Variants in SLC4A11 observed in about 807,000 individuals in gnomAD.
SLC4A11 encodes bicarbonate transporter related protein 1.
SLC4A11 carries 74 observed loss-of-function variants against 95.0 expected under a neutral mutation model. The ratio of observed to expected loss-of-function variants is 0.78; its 90% CI spans 0.65 to 0.95. The LOEUF is 0.95. Ranked by LOEUF, SLC4A11 falls within the 40% of genes least tolerant of loss-of-function variation. The pLI, the probability that SLC4A11 is intolerant of heterozygous loss-of-function variation, is 0.00. For missense variants in SLC4A11, 1,081 were observed against 1,192.4 expected (o/e 0.91, Z 1.38); for synonymous variants, 548 against 519.0 (o/e 1.06, Z -0.76).
Position 3,233,921 on chromosome 20 carries a change from A to C in SLC4A11, c.605T>G (p.Ile202Ser). The C allele has an allele frequency of 6.2e-7, 1 of 1,612,764 alleles. No homozygotes were observed. Among genetic ancestry groups the C allele is most frequent in the Non-Finnish European group, 8.5e-7 (1 of 1,179,986 alleles). The change falls in exon 6 of 20, where the codon ATC becomes AGC. Residue 202 changes from isoleucine (I) to serine (S), a missense_variant and splice_region_variant. Ile to Ser is a moderately radical substitution (Grantham distance 142, BLOSUM62 -2). Around this residue, in one of 3 missense-constraint regions of SLC4A11, gnomAD observed 310 missense variants for 313.5 expected, o/e 0.99. Transcript: ENST00000642402. ...GGGGCCAAGTGGCCTGGCAACTCAC[A>C]TGATGCAGAGCCACGACTGCTGGTA... Reference protein sequence around the residue: ...VRYQQSWLCIICTMKALQKRH... With the variant: ...VRYQQSWLCISCTMKALQKRH...
At position 3,229,040 on chromosome 20, in the gene SLC4A11, G is replaced by A. The variant is rs777820339; in HGVS notation, c.2019-29C>T. 4 of 1,605,092 alleles carry A rather than the reference G, an allele frequency of 2.5e-6. No homozygotes were observed. In the Admixed American group the frequency reaches 6.8e-5, roughly 27 times the overall value. ...CAGCAGACGGGCACTCGTGGACAGA[G>A]CCCCACAGCAGAGGCCCGGGCCCCG... On this transcript the variant is annotated intron_variant, in intron 16 of 19. Transcript: ENST00000642402.
upstream of SLC4A11, chr20:3,239,282 C>T: frequency 5.0e-6 from 6 of 1,188,590 alleles, no homozygotes; most frequent in Non-Finnish European, 4.2e-6. Context: ...GCTCAGACGC[C>T]GCGCCCGGGC....
intron 13 of SLC4A11, 68 bp downstream of exon 13, chr20:3,230,118 AG>A (rs905872149): frequency 6.5e-7 from 1 of 1,530,054 alleles, no homozygotes; most frequent in Non-Finnish European, 9.1e-7. Context: ...GCCCCCAGCC[AG>A]GGGCAGTGCA....
rs759453510 is a variant in SLC4A11 at position 3,230,537 on chromosome 20, G to A, written c.1393C>T (p.Leu465=). 8 of 1,613,848 alleles carry A rather than the reference G, an allele frequency of 5.0e-6. No individual in the cohort carries two copies. Among genetic ancestry groups the A allele is most frequent in the Non-Finnish European group, 6.8e-6 (8 of 1,180,038 alleles). ...CACCTCTTGAAGAGACTCATGACCA[G>A]GCTGAGGTTGAAAAAGGCATAAAGC... The part of the protein sequence containing the change: ...LALYAFFNLS[L]VMSLFKRSTE... Residue 465 remains leucine, a synonymous_variant, in exon 12 of 20, where the codon CTG becomes TTG. Coordinates refer to ENST00000642402, the MANE Select transcript of SLC4A11 (RefSeq NM_001174089.2).
At chr20:3,238,747 C>T (rs1306665772) in intron 1 of SLC4A11, 2 of 1,089,312 alleles carry the variant, frequency 1.8e-6, no homozygotes, top group African/African-American at 1.7e-5. Flanking sequence ...CCGCCAGGCT[C>T]CCAAAAGCTC....
rs760203945 is a variant in SLC4A11 at position 3,234,896 on chromosome 20, T to C, written c.89-2A>G. ...CATCTGTGTCACACTTGTAGTAGCC[T>C]AGAGACCCCCAAGAGCAAGAGGGCC... On this transcript the variant is annotated splice_acceptor_variant, in intron 2 of 19. Coordinates refer to ENST00000642402, the MANE Select transcript of SLC4A11 (RefSeq NM_001174089.2). LOFTEE classifies it high-confidence loss of function. This position sits in a 1 kb window ranked among gnomAD's most constrained non-coding sequence, Gnocchi z 5.8. 6.2e-7 allele frequency: 1 copy of C among 1,613,772 alleles called. No homozygotes were observed. Among genetic ancestry groups the C allele is most frequent in the Non-Finnish European group, 8.5e-7 (1 of 1,179,992 alleles).
intron 2 of SLC4A11, among the ~76,000 whole-genome samples, chr20:3,236,089 C>T (rs1247590693): frequency 6.6e-6 from 1 of 152,176 alleles, no homozygotes; most frequent in Non-Finnish European, 1.5e-5. Flanking sequence ...GATGGGTCAG[C>T]AGCACGCCTG....
At chr20:3,232,627 C>T (rs376705302) in intron 7 of SLC4A11, among the ~76,000 whole-genome samples, 12 of 152,254 alleles carry the variant, frequency 7.9e-5, no homozygotes, top group East Asian at 7.7e-4. Context: ...GCGGGAGAAT[C>T]GCTTGAACCT....
chr20:3,229,057 C>CGGGGG, intron 16 of SLC4A11, 38 bp downstream of exon 16: 1 of 1,551,486 alleles, frequency 6.4e-7, no homozygotes, highest in Non-Finnish European at 8.7e-7. Context: ...AGCAGAGGCC[C>CGGGGG]GGGCCCCGCC....
intron 2 of SLC4A11, among the ~76,000 whole-genome samples, chr20:3,237,044 G>A (rs1039049427): frequency 6.6e-6 from 1 of 152,152 alleles, no homozygotes; most frequent in Non-Finnish European, 1.5e-5. Context: ...GAATGGTCAG[G>A]TCACTCATGG....
intron 2 of SLC4A11, 122 bp from the exon 3 acceptor site, chr20:3,235,016 G>GCCATC (rs1457761598): frequency 8.0e-7 from 1 of 1,244,838 alleles, no homozygotes; most frequent in Non-Finnish European, 1.2e-6. Context: ...GGTGGGAGAG[G>GCCATC]CCATCCCATA....
chr20:3,230,041 G>T (rs1439665506), intron 13 of SLC4A11, 146 bp downstream of exon 13: 2 of 1,153,920 alleles, frequency 1.7e-6, no homozygotes, highest in Admixed American at 1.9e-5. Context: ...CCCTCTGCCA[G>T]CCCAAGGCTC....
Position 3,229,776 on chromosome 20 carries a change from A to G in SLC4A11, c.1490T>C (p.Ile497Thr). Reference protein sequence around the residue: ...VLDAVKGTVKIFWKYYYGHYL... With the variant: ...VLDAVKGTVKTFWKYYYGHYL... ...ATGCCCATAGTAGTACTTCCAGAAG[A>G]CTGTGGACACACACCCACAGGCCTC... Residue 497 changes from isoleucine (I) to threonine (T), a missense_variant and splice_region_variant, in exon 14 of 20, where the codon ATC becomes ACC. Ile to Thr is a moderately conservative substitution (Grantham distance 89, BLOSUM62 -1). Transcript: ENST00000642402. 1.2e-6 allele frequency: 2 copies of G among 1,613,814 alleles called. No homozygotes were observed. Among genetic ancestry groups the G allele is most frequent in the Non-Finnish European group, 1.7e-6 (2 of 1,179,980 alleles).
intron 1 of SLC4A11, chr20:3,238,326 G>A (rs1040956761): frequency 1.1e-5 from 11 of 985,364 alleles, no homozygotes; most frequent in African/African-American, 7.0e-5. Context: ...GAGGGGCCGC[G>A]TGCACGAGAG....
rs1198904884 is a variant in SLC4A11 at position 3,233,994 on chromosome 20, G to A, written c.532C>T (p.Leu178=). The change falls in exon 6 of 20, where the codon CTG becomes TTG. Residue 178 remains leucine, a synonymous_variant. Coordinates refer to ENST00000642402, the MANE Select transcript of SLC4A11 (RefSeq NM_001174089.2). ...GTGACCCCTTGGATGGTATCTGACA[G>A]CAGGTGGACTGAGGAAAGAGTGAGG... ...GAPMRGKVHL[L]SDTIQGVTAT... The A allele has an allele frequency of 1.9e-6, 3 of 1,613,992 alleles. No individual in the cohort carries two copies. Among genetic ancestry groups the A allele is most frequent in the Admixed American group, 3.3e-5 (2 of 60,038 alleles).
chr20:3,239,257 C>G (rs13038819), upstream of SLC4A11: 5 of 1,264,130 alleles, frequency 4.0e-6, no homozygotes, highest in Non-Finnish European at 5.0e-6. Context: ...CACGCCGCGC[C>G]TGGGTCCTAA....
chr20:3,229,060 G>GGCCCCCCCCCCCCCCCCCCCCCCCC, intron 16 of SLC4A11, 35 bp downstream of exon 16: 2 of 1,542,110 alleles, frequency 1.3e-6, no homozygotes, highest in Admixed American at 2.0e-5. Context: ...AGAGGCCCGG[G>GGCCCCCCCCCCCCCCCCCCCCCCCC]CCCCGCCCAC....
rs1395406988 is a variant in SLC4A11, at chr20:3,234,247, T to C, written c.359A>G (p.Gln120Arg). 1 of 1,614,078 alleles carries C rather than the reference T, an allele frequency of 6.2e-7. No individual in the cohort carries two copies. Among genetic ancestry groups the C allele is most frequent in the Non-Finnish European group, 8.5e-7 (1 of 1,180,034 alleles). Residue 120 changes from glutamine (Q) to arginine (R), a missense_variant, in exon 5 of 20, where the codon CAG (glutamine) becomes CGG (arginine). Gln to Arg is a conservative substitution (Grantham distance 43). This residue lies in a region of SLC4A11 where 310 missense variants were observed against 313.5 expected (regional missense o/e 0.99). Transcript: ENST00000642402. This position sits in a 1 kb window ranked among gnomAD's most constrained non-coding sequence, Gnocchi z 5.8. ...AHRDLDGFLA[Q>R]ASIVLNETAT... ...CGTCTCGTTCAGGACGATGCTGGCC[T>C]GCGCCAGGAAGCCATCTAGGTCGCG...
chr20:3,237,172 T>C (rs2068007956), intron 2 of SLC4A11, among the ~76,000 whole-genome samples: 1 of 152,162 alleles, frequency 6.6e-6, no homozygotes, highest in Non-Finnish European at 1.5e-5. Flanking sequence ...AGAGGCCTTA[T>C]ATTTCTTTAA....
Sources: gnomAD v4.1 joint callset for allele counts (sites outside exome capture counted in the v4.1 genomes callset) on GRCh38, gnomAD v4.1.1 for gene constraint, gnomAD v4.1.1 regional missense constraint, Gnocchi (gnomAD v3.1) non-coding constraint, MANE v1.5 for transcripts, NCBI Gene and HGNC (gene_info 2026-07-23, HGNC 2026-07-21) for gene names.